Variants in PRDM5 observed in about 807,000 individuals in gnomAD.
PRDM5 encodes PR/SET domain 5.
In PRDM5, 56 loss-of-function variants were observed where a neutral mutation model predicts 81.2. That is an observed-to-expected ratio of 0.69 (90% CI 0.56 to 0.86). The LOEUF (loss-of-function observed/expected upper bound fraction) is 0.86. Among genes scored for constraint, PRDM5 ranks in the 40% least tolerant of loss-of-function variants. PRDM5 has a pLI of 0.00. For missense variants in PRDM5, 697 were observed against 770.1 expected (o/e 0.91, Z 1.12); for synonymous variants, 267 against 256.4 (o/e 1.04, Z -0.39).
intron 14 of PRDM5, among the ~76,000 whole-genome samples, chr4:120,748,568 G>A (rs1273114589): frequency 6.6e-6 from 1 of 151,688 alleles, no homozygotes; most frequent in Non-Finnish European, 1.5e-5. Context: ...CTGAACCCAG[G>A]AGTTCAAGGT....
chr4:120,887,237 C>T (rs550268519), intron 2 of PRDM5, among the ~76,000 whole-genome samples: 14 of 152,184 alleles, frequency 9.2e-5, no homozygotes, highest in Non-Finnish European at 2.1e-4. Context: ...AGCCACTGCG[C>T]CTGGCTGACT....
At chr4:120,750,519 C>T (rs574693276) in intron 14 of PRDM5, among the ~76,000 whole-genome samples, 2 of 152,130 alleles carry the variant, frequency 1.3e-5, no homozygotes, top group Admixed American at 6.5e-5. Context: ...CAGCAGCCCA[C>T]CCCCTGGAGA....
chr4:120,831,893 T>C (rs919595927), intron 3 of PRDM5, among the ~76,000 whole-genome samples: 3 of 152,130 alleles, frequency 2.0e-5, no homozygotes, highest in African/African-American at 7.2e-5. Context: ...TTTTATTAAC[T>C]TAACATGAAT....
intron 14 of PRDM5, among the ~76,000 whole-genome samples, chr4:120,741,468 C>T (rs2149108886): frequency 6.6e-6 from 1 of 151,750 alleles, no homozygotes; most frequent in Non-Finnish European, 1.5e-5. Context: ...AGCTCCCAGC[C>T]TGAACCACGC....
rs1578707641 is a variant in PRDM5 at position 120,781,041 on chromosome 4, AT to A, written c.1443+101del. ...CATGCATTTGTCATTTTGAGTAAAT[AT>A]TTTGATAGATTAATATATAATTATC... is the stretch of plus-strand genomic sequence containing the variant. On this transcript the variant is annotated intron_variant, in intron 12 of 15. Coordinates refer to ENST00000264808, the MANE Select transcript of PRDM5 (RefSeq NM_018699.4). 11 of 1,024,170 alleles carry A rather than the reference AT, an allele frequency of 1.1e-5. No homozygotes were observed. In the East Asian group the frequency reaches 2.6e-4, roughly 24 times the overall value. 63.4% of individuals were successfully genotyped at this position (1,024,170 alleles called of 1,614,324 possible). A position where few individuals can be genotyped will look rare whatever the true frequency, so the allele number is the denominator to read the frequency against.
At chr4:120,713,025 T>C (rs983156074) in intron 14 of PRDM5, among the ~76,000 whole-genome samples, 5 of 152,206 alleles carry the variant, frequency 3.3e-5, no homozygotes, top group Non-Finnish European at 7.4e-5. Context: ...CTCTGCAAAG[T>C]TAATAAACCA....
At chr4:120,874,756 T>C (rs1057344344) in intron 2 of PRDM5, among the ~76,000 whole-genome samples, 2 of 152,230 alleles carry the variant, frequency 1.3e-5, no homozygotes, top group Non-Finnish European at 2.9e-5. Flanking sequence ...TTCTTTTTCT[T>C]GCCCAATACT....
intron 13 of PRDM5, among the ~76,000 whole-genome samples, chr4:120,767,177 C>T (rs762705734): frequency 1.3e-5 from 2 of 152,216 alleles, no homozygotes; most frequent in South Asian, 2.1e-4. Flanking sequence ...ACTAAAATTC[C>T]TCCCACGACT....
Position 120,818,434 on chromosome 4 carries a change from T to C in PRDM5, c.569A>G (p.His190Arg), listed in dbSNP as rs1238168712. 6.2e-7 allele frequency: 1 copy of C among 1,613,980 alleles called. No homozygotes were observed. The highest frequency in any genetic ancestry group is 1.7e-5 in the Admixed American group (1 of 59,996). The change falls in exon 5 of 16, where the codon CAC becomes CGC. Residue 190 changes from histidine to arginine, a missense_variant. Transcript: ENST00000264808. ...TTCTTTCTCCTCTGTGGGTTTCTGG[T>C]GCAATGTCTGGAGATGCTCAGCAAG... Reference protein sequence around the residue: ...DILAEHLQTLHQKPTEEKEFK... With the variant: ...DILAEHLQTLRQKPTEEKEFK...
At chr4:120,696,174 T>C (rs1440238053) in intron 15 of PRDM5, among the ~76,000 whole-genome samples, 1 of 151,996 alleles carries the variant, frequency 6.6e-6, no homozygotes, top group Non-Finnish European at 1.5e-5. Context: ...GGTAATCCAA[T>C]AATAATGAAT....
chr4:120,742,665 A>C (rs1260522925), intron 14 of PRDM5, among the ~76,000 whole-genome samples: 60 of 152,226 alleles, frequency 3.9e-4, no homozygotes, highest in Non-Finnish European at 8.8e-5. Context: ...GATCAACTGG[A>C]AGAAAGGGTA....
At chr4:120,740,755 C>A (rs1036401536) in intron 14 of PRDM5, among the ~76,000 whole-genome samples, 2 of 152,204 alleles carry the variant, frequency 1.3e-5, no homozygotes, top group African/African-American at 4.8e-5. Context: ...TCCTTCAATT[C>A]TTGCTGGAGA....
intron 15 of PRDM5, 50 bp from the exon 16 acceptor site, chr4:120,695,325 T>A: frequency 6.3e-7 from 1 of 1,596,146 alleles, no homozygotes; most frequent in South Asian, 1.1e-5. Context: ...AAACAAAATT[T>A]ATAAACAAAA....
chr4:120,766,927 C>T (rs1056170589), intron 13 of PRDM5, among the ~76,000 whole-genome samples: 1 of 152,006 alleles, frequency 6.6e-6, no homozygotes, highest in Admixed American at 6.5e-5. Flanking sequence ...AAGGTGGATA[C>T]AAGATTTATA....
At chr4:120,818,648 CTTA>C (rs1477011993) in intron 4 of PRDM5, 121 bp from the exon 5 acceptor site, 2 of 821,666 alleles carry the variant, frequency 2.4e-6, no homozygotes, top group African/African-American at 1.7e-5. Context: ...TGAATAAATT[CTTA>C]TTATCACTAT....
chr4:120,748,355 T>C (rs992877442), intron 14 of PRDM5, among the ~76,000 whole-genome samples: 14 of 152,188 alleles, frequency 9.2e-5, no homozygotes, highest in African/African-American at 3.1e-4. Flanking sequence ...AAAACTAAGA[T>C]AATCTTGGCC....
intron 2 of PRDM5, among the ~76,000 whole-genome samples, chr4:120,875,925 A>G (rs1762291763): frequency 6.6e-6 from 1 of 152,202 alleles, no homozygotes; most frequent in Non-Finnish European, 1.5e-5. Flanking sequence ...CATTATTTCA[A>G]AAGTGTATAG....
chr4:120,875,504 A>C (rs1369244314), intron 2 of PRDM5, among the ~76,000 whole-genome samples: 4 of 152,238 alleles, frequency 2.6e-5, no homozygotes, highest in Non-Finnish European at 4.4e-5. Flanking sequence ...TATGCCCTGG[A>C]AGCAGAGCTG....
intron 14 of PRDM5, among the ~76,000 whole-genome samples, chr4:120,745,266 T>C (rs2149123036): frequency 7.8e-6 from 1 of 128,702 alleles, no homozygotes; most frequent in East Asian, 2.4e-4. Context: ...AAATTAGGTA[T>C]TGATGGGACA....
Sources: allele counts gnomAD v4.1 joint callset (sites outside exome capture counted in the v4.1 genomes callset), GRCh38; gene constraint gnomAD v4.1.1; transcripts MANE v1.5; gene names NCBI Gene and HGNC (gene_info 2026-07-23, HGNC 2026-07-21).